The following FBXL13 variants were observed in gnomAD, a reference collection of about 807,000 sequenced individuals.
FBXL13 encodes the protein F-box and leucine rich repeat protein 13.
FBXL13 carries 67 observed loss-of-function variants against 83.6 expected under a neutral mutation model. The ratio of observed to expected loss-of-function variants is 0.80; its 90% CI spans 0.66 to 0.98. FBXL13 has a LOEUF of 0.98. Ranked by LOEUF, FBXL13 falls within the 50% of genes least tolerant of loss-of-function variation. The pLI is 0.00. For synonymous variants in FBXL13, 272 were observed against 299.5 expected, an observed-to-expected ratio of 0.91 and a Z score of 0.95; for missense variants, 822 against 866.5, an observed-to-expected ratio of 0.95 and a Z score of 0.64.
chr7:102,853,612 AC>A (rs1482577014), intron 17 of FBXL13, among the ~76,000 whole-genome samples: 1 of 152,192 alleles, frequency 6.6e-6, no homozygotes, highest in Non-Finnish European at 1.5e-5. Flanking sequence ...AATTTTTGCA[AC>A]CTACTCATCT....
Position 103,040,139 on chromosome 7 carries a change from C to A in FBXL13, c.1-10721G>T, listed in dbSNP as rs193129323. 9.3e-3 allele frequency among the ~76,000 whole-genome samples: 1,405 copies of A among 151,750 alleles called. 20 individuals are homozygous for A. Among genetic ancestry groups the A allele is most frequent in the East Asian group, 0.065 (332 of 5,146 alleles). ...AAGGGATGGAGGAATACTTACCAAG[C>A]AAATGGAAAGCAAAAAAAAGCAGGG... is the stretch of plus-strand genomic sequence containing the variant. On this transcript the variant is annotated intron_variant, in intron 2 of 19. Transcript: ENST00000313221.
intron 8 of FBXL13, chr7:102,939,536 G>C (rs1166941761): frequency 6.2e-7 from 1 of 1,614,036 alleles, no homozygotes; most frequent in Non-Finnish European, 8.5e-7. Flanking sequence ...ATGTTCATGA[G>C]CTGAAGAAAT....
chr7:103,057,699 T>G (rs978703433), intron 1 of FBXL13, among the ~76,000 whole-genome samples: 2 of 152,218 alleles, frequency 1.3e-5, no homozygotes, highest in African/African-American at 4.8e-5. Context: ...TGCTGTCTCA[T>G]TTTCCTTATG....
At chr7:103,005,544 G>A (rs1467252402) in intron 6 of FBXL13, among the ~76,000 whole-genome samples, 4 of 152,190 alleles carry the variant, frequency 2.6e-5, no homozygotes, top group African/African-American at 9.6e-5. Flanking sequence ...TGGAAGCTAT[G>A]AAGTCCAAAA....
intron 6 of FBXL13, among the ~76,000 whole-genome samples, chr7:103,012,542 CAT>C (rs1791763649): frequency 6.6e-6 from 1 of 152,206 alleles, no homozygotes; most frequent in Admixed American, 6.5e-5. Flanking sequence ...CCAAGAACTT[CAT>C]ATGCAGCCAA....
chr7:102,937,968 T>C (rs1435582114), intron 8 of FBXL13, among the ~76,000 whole-genome samples: 4 of 152,220 alleles, frequency 2.6e-5, no homozygotes, highest in East Asian at 3.8e-4. Context: ...GGACCTAATA[T>C]GTGCCCATTC....
rs577409903 is a variant in FBXL13, at chr7:102,999,114, G to GT, written c.495+25948dup. 7.4e-3 allele frequency among the ~76,000 whole-genome samples: 1,087 copies of GT among 147,280 alleles called. 8 individuals carry two copies. Among genetic ancestry groups the GT allele is most frequent in the African/African-American group, 0.02 (808 of 40,296 alleles). ...TCCTTCTATACCCAAATTGTTGAGGGTTTTTTTTTTATCATAAAAGCATGT... is the reference window on the plus strand; with the variant it reads ...TCCTTCTATACCCAAATTGTTGAGGGTTTTTTTTTTTATCATAAAAGCATGT... On this transcript the variant is annotated intron_variant, in intron 6 of 19. Coordinates refer to ENST00000313221, the Ensembl canonical transcript of FBXL13.
chr7:102,936,891 C>A (rs55681588), intron 8 of FBXL13, among the ~76,000 whole-genome samples: 2 of 151,802 alleles, frequency 1.3e-5, no homozygotes, highest in Non-Finnish European at 2.9e-5. Flanking sequence ...TTCCCTCCCC[C>A]AATGAGCCTA....
At chr7:102,943,297 G>T in intron 8 of FBXL13, among the ~76,000 whole-genome samples, 1 of 149,330 alleles carries the variant, frequency 6.7e-6, no homozygotes. Flanking sequence ...CTTAATTCAT[G>T]TCTCTTTTTT....
exon 1 of FBXL13, chr7:103,074,552 T>G: frequency 8.2e-7 from 1 of 1,216,136 alleles, no homozygotes; most frequent in Non-Finnish European, 1.1e-6. Context: ...GAATTTGACT[T>G]CACTTTCTCG....
Position 103,005,476 on chromosome 7 carries a change from T to TA in FBXL13, c.495+19586dup, listed in dbSNP as rs921626607. Among the ~76,000 whole-genome samples the TA allele has an allele frequency of 3.1e-4, 46 of 148,006 alleles. 1 individual carries two copies. The highest frequency in any genetic ancestry group is 1.4e-3 in the East Asian group (7 of 5,094). On this transcript the variant is annotated intron_variant, in intron 6 of 19. Coordinates refer to ENST00000313221, the Ensembl canonical transcript of FBXL13. Reference sequence around the variant, plus strand: ...TTGTTTTAGTCTGCTTAGGCTGCCATAAAAAAAAAATACCATAGACTGGAT... The same window carrying TA: ...TTGTTTTAGTCTGCTTAGGCTGCCATAAAAAAAAAAATACCATAGACTGGAT...
intron 8 of FBXL13, chr7:102,934,014 G>T: frequency 1.2e-6 from 2 of 1,614,074 alleles, no homozygotes; most frequent in South Asian, 1.1e-5. Flanking sequence ...AATCATGGCC[G>T]GGCGGGTGGA....
At chr7:102,956,921 G>A (rs186424817) in intron 8 of FBXL13, among the ~76,000 whole-genome samples, 9 of 152,214 alleles carry the variant, frequency 5.9e-5, no homozygotes, top group South Asian at 2.1e-4. Context: ...CATGCTCATC[G>A]ATAAGAACAA....
intron 2 of FBXL13, among the ~76,000 whole-genome samples, chr7:103,041,961 A>G (rs1025300020): frequency 8.5e-5 from 13 of 152,328 alleles, no homozygotes; most frequent in African/African-American, 3.1e-4. Context: ...TAGTTTTGGA[A>G]GTTCTTCTGG....
At chr7:102,894,088 A>AT (rs1255340972) in intron 11 of FBXL13, among the ~76,000 whole-genome samples, 1 of 152,216 alleles carries the variant, frequency 6.6e-6, no homozygotes, top group Non-Finnish European at 1.5e-5. Context: ...TCTCCATTCA[A>AT]TTTGGCTAGT....
chr7:102,988,493 C>T (rs1236201635), intron 6 of FBXL13: 1 of 152,172 alleles, frequency 6.6e-6, no homozygotes, highest in Non-Finnish European at 1.5e-5. Flanking sequence ...AAAACCCAAA[C>T]AGATCAGCCA....
intron 2 of FBXL13, among the ~76,000 whole-genome samples, chr7:103,045,718 C>T (rs1032269516): frequency 2.0e-5 from 3 of 152,146 alleles, no homozygotes; most frequent in African/African-American, 7.2e-5. Flanking sequence ...CCTGTTGGGG[C>T]CTAGTGAATG....
intron 9 of FBXL13, among the ~76,000 whole-genome samples, chr7:102,931,104 A>T (rs909325885): frequency 1.3e-5 from 2 of 152,274 alleles, no homozygotes; most frequent in South Asian, 4.1e-4. Flanking sequence ...TGATAATAAG[A>T]CTTAAAGCTT....
At chr7:102,917,498 G>T (rs1330521600) in intron 10 of FBXL13, among the ~76,000 whole-genome samples, 1 of 152,176 alleles carries the variant, frequency 6.6e-6, no homozygotes, top group Non-Finnish European at 1.5e-5. Flanking sequence ...AAAAATCACT[G>T]CAGACTTCTG....
Sources: allele counts gnomAD v4.1 joint callset (sites outside exome capture counted in the v4.1 genomes callset), GRCh38; gene constraint gnomAD v4.1.1; transcripts MANE v1.5; gene names NCBI Gene and HGNC (gene_info 2026-07-23, HGNC 2026-07-21).